ADGRB3: variants seen among roughly 807,000 people sequenced by gnomAD.
The protein encoded by ADGRB3 is adhesion G protein-coupled receptor B3, also known as brain-specific angiogenesis inhibitor 3.
Under a neutral mutation model 193.4 loss-of-function variants are expected in ADGRB3, and 37 were observed. The observed-to-expected ratio is 0.19, with a 90% CI of 0.15 to 0.25. The LOEUF (loss-of-function observed/expected upper bound fraction) is 0.25, where lower values mean the gene tolerates loss of function less well. ADGRB3 is among the 10% of genes least tolerant of loss of function. The pLI is 1.00. For missense variants in ADGRB3, 1,637 were observed against 1,852.9 expected, an observed-to-expected ratio of 0.88 and a Z score of 2.14; for synonymous variants, 690 against 644.2, an observed-to-expected ratio of 1.07 and a Z score of -1.08.
At chr6:69,240,691 A>G (rs1186376722) in intron 20 of ADGRB3, among the ~76,000 whole-genome samples, 1 of 152,032 alleles carries the variant, frequency 6.6e-6, no homozygotes, top group African/African-American at 2.4e-5. Flanking sequence ...GGAAGGAAGT[A>G]GAGATAAAAG....
intron 26 of ADGRB3, among the ~76,000 whole-genome samples, chr6:69,348,171 G>A (rs758421417): frequency 7.9e-5 from 12 of 152,282 alleles, no homozygotes; most frequent in Non-Finnish European, 1.5e-4. Context: ...TAAGATGGGT[G>A]AGATGACATC....
chr6:69,291,740 T>C (rs868803766), intron 20 of ADGRB3, among the ~76,000 whole-genome samples: 1 of 152,134 alleles, frequency 6.6e-6, no homozygotes, highest in Admixed American at 6.5e-5. Flanking sequence ...CAGGATACAC[T>C]ACCCCCAAAA....
chr6:69,286,212 A>G (rs1394136110), intron 20 of ADGRB3, among the ~76,000 whole-genome samples: 2 of 152,066 alleles, frequency 1.3e-5, no homozygotes, highest in Admixed American at 1.3e-4. Context: ...GGCACCTTTC[A>G]GAAGTATATC....
At chr6:68,926,293 G>C (rs1274241033) in intron 3 of ADGRB3, among the ~76,000 whole-genome samples, 1 of 152,054 alleles carries the variant, frequency 6.6e-6, no homozygotes, top group African/African-American at 2.4e-5. Flanking sequence ...TAATTATAAT[G>C]AAAGTCCATT....
At chr6:68,705,146 C>T (rs572863681) in intron 3 of ADGRB3, among the ~76,000 whole-genome samples, 37 of 152,296 alleles carry the variant, frequency 2.4e-4, no homozygotes, top group Admixed American at 1.1e-3. Flanking sequence ...TCATTCCCTT[C>T]CCTCTAGCTC....
rs538651907 is a variant in ADGRB3 at position 69,254,938 on chromosome 6, A to G, written c.2814+15712A>G. 8.1e-3 allele frequency among the ~76,000 whole-genome samples: 1,151 copies of G among 142,216 alleles called. 8 individuals carry two copies. The highest frequency in any genetic ancestry group is 0.012 in the Non-Finnish European group (787 of 66,514). The allele number at this position is 142,216 out of a possible 152,430, so 93.3% of individuals were successfully genotyped here. A position where few individuals can be genotyped will look rare whatever the true frequency, so the allele number is the denominator to read the frequency against. ...TGTTCTCATTGTTCAATTCCCACCT[A>G]TGAGTGAGAACATGTGGTGTTTGGT... On this transcript the variant is annotated intron_variant, in intron 20 of 31. Coordinates refer to ENST00000370598, the MANE Select transcript of ADGRB3 (RefSeq NM_001704.3).
At chr6:69,369,695 CAAAAAAA>C (rs913608447) in intron 29 of ADGRB3, among the ~76,000 whole-genome samples, 45 of 59,522 alleles carry the variant, frequency 7.6e-4, no homozygotes, top group Admixed American at 2.0e-3. Flanking sequence ...AAGACCATTT[CAAAAAAA>C]AAAAAAAAAA....
At chr6:68,867,216 G>T (rs929205448) in intron 3 of ADGRB3, among the ~76,000 whole-genome samples, 4 of 152,148 alleles carry the variant, frequency 2.6e-5, no homozygotes, top group African/African-American at 9.7e-5. Flanking sequence ...CTGCTTCTCT[G>T]TGCAGTCTCA....
intron 17 of ADGRB3, among the ~76,000 whole-genome samples, chr6:69,108,992 C>T (rs1371509019): frequency 1.3e-5 from 2 of 152,136 alleles, no homozygotes; most frequent in East Asian, 1.9e-4. Flanking sequence ...CACAAGGCTG[C>T]ACCAACACCC....
intron 3 of ADGRB3, among the ~76,000 whole-genome samples, chr6:68,915,174 T>A (rs1351062294): frequency 6.6e-6 from 1 of 151,918 alleles, no homozygotes; most frequent in Non-Finnish European, 1.5e-5. Context: ...TTTGACGCAA[T>A]TTTTTTTGAG....
chr6:69,089,029 T>C (rs1249165176), intron 17 of ADGRB3, among the ~76,000 whole-genome samples: 1 of 152,252 alleles, frequency 6.6e-6, no homozygotes, highest in African/African-American at 2.4e-5. Flanking sequence ...GCAGTTGTCT[T>C]GAAATACTGA....
At chr6:69,383,668 A>G (rs559749855) in intron 31 of ADGRB3, among the ~76,000 whole-genome samples, 1 of 152,008 alleles carries the variant, frequency 6.6e-6, no homozygotes, top group Non-Finnish European at 1.5e-5. Flanking sequence ...TCTAAACTCC[A>G]ATTTCACCCT....
intron 3 of ADGRB3, among the ~76,000 whole-genome samples, chr6:68,778,248 C>T (rs1351306139): frequency 5.3e-5 from 8 of 152,028 alleles, no homozygotes; most frequent in African/African-American, 9.7e-5. Flanking sequence ...TAGTCTAGTA[C>T]ATGGTGAAGG....
intron 30 of ADGRB3, among the ~76,000 whole-genome samples, chr6:69,379,635 A>T (rs1179016820): frequency 6.6e-6 from 1 of 151,962 alleles, no homozygotes; most frequent in African/African-American, 2.4e-5. Context: ...AGGCTGGACG[A>T]TCTACTTGAG....
At chr6:69,144,736 C>G (rs775928612) in intron 17 of ADGRB3, among the ~76,000 whole-genome samples, 3 of 152,086 alleles carry the variant, frequency 2.0e-5, no homozygotes, top group Non-Finnish European at 4.4e-5. Context: ...GTTGAACCAT[C>G]CTTACGTCCC....
chr6:68,984,182 A>G (rs1029018963), intron 10 of ADGRB3, among the ~76,000 whole-genome samples: 1 of 152,176 alleles, frequency 6.6e-6, no homozygotes, highest in Non-Finnish European at 1.5e-5. Flanking sequence ...AGATCTAATT[A>G]AAGAGGGTCA....
intron 3 of ADGRB3, among the ~76,000 whole-genome samples, chr6:68,672,927 A>G (rs747708030): frequency 3.9e-5 from 6 of 152,086 alleles, no homozygotes; most frequent in South Asian, 2.1e-4. Flanking sequence ...GAGCTGCAAT[A>G]TCAACTCTTC....
At position 69,076,051 on chromosome 6, in the gene ADGRB3, T is replaced by A. The variant is rs1421620386; in HGVS notation, c.2480+13T>A. 6.2e-7 allele frequency: 1 copy of A among 1,610,344 alleles called. No individual in the cohort carries two copies. The highest frequency in any genetic ancestry group is 2.2e-5 in the East Asian group (1 of 44,732). ...ATGACTCCAAAACGTAAGTGACAGATGTTTTCCTACATTACTTTGGGCTAA... is the reference window on the plus strand; with the variant it reads ...ATGACTCCAAAACGTAAGTGACAGAAGTTTTCCTACATTACTTTGGGCTAA... On this transcript the variant is annotated intron_variant, in intron 17 of 31. Coordinates refer to ENST00000370598, the MANE Select transcript of ADGRB3 (RefSeq NM_001704.3).
At chr6:69,089,426 A>G (rs1772643679) in intron 17 of ADGRB3, among the ~76,000 whole-genome samples, 4 of 152,178 alleles carry the variant, frequency 2.6e-5, no homozygotes, top group Non-Finnish European at 1.5e-5. Context: ...GAATGAGTGA[A>G]TATTTATATA....
Sources: gnomAD v4.1 joint callset for allele counts (sites outside exome capture counted in the v4.1 genomes callset) on GRCh38, gnomAD v4.1.1 for gene constraint, MANE v1.5 for transcripts, NCBI Gene and HGNC (gene_info 2026-07-23, HGNC 2026-07-21) for gene names.